Variants in TBC1D1 observed in about 807,000 individuals in gnomAD.
TBC1D1 encodes TBC1 (tre-2/USP6, BUB2, cdc16) domain family, member 1.
Under a neutral mutation model 125.6 loss-of-function variants are expected in TBC1D1, and 89 were observed. That is an observed-to-expected ratio of 0.71 (90% CI 0.60 to 0.85). TBC1D1 has a LOEUF of 0.85. TBC1D1 is among the 40% of genes least tolerant of loss of function. TBC1D1 has a pLI of 0.00. For synonymous variants in TBC1D1, 565 were observed against 564.1 expected, an observed-to-expected ratio of 1.00 and a Z score of -0.02; for missense variants, 1,377 against 1,469.2, an observed-to-expected ratio of 0.94 and a Z score of 1.03.
chr4:38,117,017 G>T (rs2152574585), intron 16 of TBC1D1, among the ~76,000 whole-genome samples: 1 of 152,298 alleles, frequency 6.6e-6, no homozygotes, highest in East Asian at 1.9e-4. Context: ...GTACTGTGAG[G>T]TTCTTCCTAC....
chr4:38,050,678 C>T (rs1750354087), intron 11 of TBC1D1, among the ~76,000 whole-genome samples: 1 of 152,220 alleles, frequency 6.6e-6, no homozygotes, highest in Non-Finnish European at 1.5e-5. Context: ...CACCTGTGTA[C>T]AGTCGCTGCC....
At chr4:37,956,510 C>A (rs1043054653) in intron 2 of TBC1D1, among the ~76,000 whole-genome samples, 1 of 152,192 alleles carries the variant, frequency 6.6e-6, no homozygotes, top group Non-Finnish European at 1.5e-5. Context: ...AGTGAATAAA[C>A]TTCCAGCAGA....
chr4:37,972,007 C>T (rs1270272666), intron 2 of TBC1D1, among the ~76,000 whole-genome samples: 1 of 152,152 alleles, frequency 6.6e-6, no homozygotes, highest in African/African-American at 2.4e-5. Flanking sequence ...ACCTTTGCTC[C>T]AAAACAGCCC....
chr4:38,105,019 T>C (rs1578733935), intron 15 of TBC1D1, among the ~76,000 whole-genome samples: 1 of 152,106 alleles, frequency 6.6e-6, no homozygotes, highest in African/African-American at 2.4e-5. Context: ...CCTCTCAAAG[T>C]GCTGGGATTA....
At chr4:38,064,283 C>T (rs763709028) in intron 12 of TBC1D1, among the ~76,000 whole-genome samples, 6 of 152,134 alleles carry the variant, frequency 3.9e-5, no homozygotes, top group Admixed American at 1.3e-4. Flanking sequence ...CGGATAATAC[C>T]GCTGTGAACA....
At chr4:38,125,220 C>A in intron 18 of TBC1D1, 89 bp downstream of exon 20, 1 of 1,340,018 alleles carries the variant, frequency 7.5e-7, no homozygotes, top group South Asian at 1.3e-5. Flanking sequence ...TGTTTCCTAC[C>A]ACTTTGTGTT....
intron 15 of TBC1D1, among the ~76,000 whole-genome samples, chr4:38,104,779 G>A (rs766147966): frequency 4.0e-5 from 6 of 148,592 alleles, no homozygotes; most frequent in African/African-American, 1.0e-4. Flanking sequence ...TTTTTGAGAC[G>A]GTGTCTCGCT....
chr4:38,110,274 G>A (rs1218640228), intron 15 of TBC1D1: 4 of 985,272 alleles, frequency 4.1e-6, no homozygotes, highest in Non-Finnish European at 4.8e-6. Flanking sequence ...GATCTCTTGA[G>A]GGGCTTGTGA....
At chr4:38,050,758 G>C (rs1426174971) in intron 11 of TBC1D1, among the ~76,000 whole-genome samples, 4 of 152,236 alleles carry the variant, frequency 2.6e-5, no homozygotes, top group Non-Finnish European at 5.9e-5. Flanking sequence ...GGATCATTGA[G>C]AGTGTGAGTT....
At chr4:37,919,623 A>G (rs1720500432) in intron 2 of TBC1D1, among the ~76,000 whole-genome samples, 1 of 152,214 alleles carries the variant, frequency 6.6e-6, no homozygotes, top group Admixed American at 6.5e-5. Context: ...TAAGTAATGT[A>G]AATGCAGAAT....
At chr4:38,054,958 T>G (rs1215431038) in intron 12 of TBC1D1, 2 of 152,628 alleles carry the variant, frequency 1.3e-5, no homozygotes, top group East Asian at 3.9e-4. Context: ...CGTGCTCACT[T>G]GAGGCGTTCT....
At chr4:38,134,348 G>A (rs561083141) in intron 19 of TBC1D1, among the ~76,000 whole-genome samples, 3 of 152,246 alleles carry the variant, frequency 2.0e-5, no homozygotes, top group Admixed American at 6.5e-5. Flanking sequence ...AACCAAGACC[G>A]AATGCTATTC....
chr4:38,110,195 T>C (rs956209236), intron 15 of TBC1D1: 22 of 985,242 alleles, frequency 2.2e-5, no homozygotes, highest in Non-Finnish European at 2.5e-5. Flanking sequence ...GGGCTCTGAA[T>C]AGAGGAAGGC....
intron 2 of TBC1D1, among the ~76,000 whole-genome samples, chr4:37,927,451 T>G (rs190883803): frequency 6.6e-6 from 1 of 152,214 alleles, no homozygotes; most frequent in African/African-American, 2.4e-5. Context: ...CTCTTATATC[T>G]ATTGCTGTTT....
chr4:38,029,265 G>A (rs1248066217), intron 7 of TBC1D1, among the ~76,000 whole-genome samples: 2 of 152,056 alleles, frequency 1.3e-5, no homozygotes, highest in Non-Finnish European at 2.9e-5. Context: ...CTAGCAACTG[G>A]GTGGGTTTAA....
intron 2 of TBC1D1, among the ~76,000 whole-genome samples, chr4:37,905,993 G>A (rs1419063103): frequency 6.6e-6 from 1 of 152,146 alleles, no homozygotes; most frequent in East Asian, 1.9e-4. Flanking sequence ...TTTTCATCCA[G>A]GATTGTGTAA....
chr4:38,118,289 T>C (rs910029149), intron 17 of TBC1D1, 97 bp downstream of exon 19: 32 of 1,406,268 alleles, frequency 2.3e-5, no homozygotes, highest in Admixed American at 1.5e-4. Flanking sequence ...TTTATACCTG[T>C]AGCTCTTACC....
chr4:38,139,043 T>G lies in TBC1D1; in HGVS notation c.*1708T>G, dbSNP rs1023102690. The G allele has an allele frequency of 5.2e-5, 8 of 152,692 alleles. No individual in the cohort carries two copies. The highest frequency in any genetic ancestry group is 1.9e-4 in the African/African-American group (8 of 41,474). 9.5% of individuals were successfully genotyped at this position (152,692 alleles called of 1,614,324 possible). ...GAGTTAACATTTGAGGACTTTGTTCTGCATCAGATCTTACTATTTGAATGT... is the reference window on the plus strand; with the variant it reads ...GAGTTAACATTTGAGGACTTTGTTCGGCATCAGATCTTACTATTTGAATGT... On this transcript the variant is annotated 3_prime_UTR_variant, in exon 20 of 20. Transcript: ENST00000261439.
chr4:38,048,480 AT>A (rs1749886111), intron 10 of TBC1D1, among the ~76,000 whole-genome samples: 1 of 151,598 alleles, frequency 6.6e-6, no homozygotes, highest in Non-Finnish European at 1.5e-5. Flanking sequence ...TATGTTGGGA[AT>A]TTTTTCCTAA....
Sources: gnomAD v4.1 joint callset for allele counts (sites outside exome capture counted in the v4.1 genomes callset) on GRCh38, gnomAD v4.1.1 for gene constraint, MANE v1.5 for transcripts, NCBI Gene and HGNC (gene_info 2026-07-23, HGNC 2026-07-21) for gene names.